Variants in ANO2 observed in about 807,000 individuals in gnomAD.
ANO2 encodes anoctamin 2, also known as anoctamin-2.
A neutral mutation model predicts 124.2 loss-of-function variants in ANO2; 101 were observed. The observed-to-expected ratio is 0.81, with a 90% CI of 0.69 to 0.96. The LOEUF (loss-of-function observed/expected upper bound fraction) is 0.96, where lower values mean the gene tolerates loss of function less well. Among genes scored for constraint, ANO2 ranks in the 40% least tolerant of loss-of-function variants. The probability of loss-of-function intolerance (pLI) is 0.00; values close to 1 mark genes in which losing one functional copy is unlikely to be tolerated. For synonymous variants in ANO2, 486 were observed against 482.5 expected, an observed-to-expected ratio of 1.01 and a Z score of -0.09; for missense variants, 1,293 against 1,274.5, an observed-to-expected ratio of 1.01 and a Z score of -0.22.
At chr12:5,569,037 GAC>G (rs1941948305) in intron 23 of ANO2, among the ~76,000 whole-genome samples, 1 of 152,240 alleles carries the variant, frequency 6.6e-6, no homozygotes, top group Admixed American at 6.5e-5. Flanking sequence ...GTTAAAAGAG[GAC>G]AGAGCATGTA....
chr12:5,577,099 T>G (rs1942456217), intron 22 of ANO2, among the ~76,000 whole-genome samples: 1 of 152,246 alleles, frequency 6.6e-6, no homozygotes, highest in South Asian at 2.1e-4. Context: ...AACTTCAAAG[T>G]AGCGGACTGA....
chr12:5,755,387 TTTTATTTA>T (rs201068770), intron 10 of ANO2, among the ~76,000 whole-genome samples: 3 of 149,098 alleles, frequency 2.0e-5, no homozygotes, highest in Admixed American at 6.7e-5. Flanking sequence ...TTTTTATTTA[TTTTATTTA>T]TTTATTTATT....
chr12:5,927,357 G>T (rs1166965742), intron 1 of ANO2, among the ~76,000 whole-genome samples: 1 of 152,178 alleles, frequency 6.6e-6, no homozygotes, highest in African/African-American at 2.4e-5. Context: ...GGTACCTTAG[G>T]TCACTCTACA....
rs5796191 is a variant in ANO2 at position 5,883,502 on chromosome 12, G to GGTGTGTGTGTGTGTGT, written c.535-29377_535-29362dup. 2.9e-3 allele frequency among the ~76,000 whole-genome samples: 424 copies of GGTGTGTGTGTGTGTGT among 144,684 alleles called. 1 individual carries two copies. Among genetic ancestry groups the GGTGTGTGTGTGTGTGT allele is most frequent in the African/African-American group, 0.01 (388 of 38,542 alleles). The allele number at this position is 144,684 out of a possible 152,430, so 94.9% of individuals were successfully genotyped here. On this transcript the variant is annotated intron_variant, in intron 3 of 24. Transcript: ENST00000682330. Reference sequence around the variant, plus strand: ...ATGTGTGCGTGTTTGACATTAGGGTGGTGTGTGTGTGTGTGTGTGTGTGTG... The same window carrying GGTGTGTGTGTGTGTGT: ...ATGTGTGCGTGTTTGACATTAGGGTGGTGTGTGTGTGTGTGTGTGTGTGTGTGTGTGTGTGTGTGTG...
chr12:5,606,130 A>T (rs910242389), intron 19 of ANO2, among the ~76,000 whole-genome samples: 4 of 152,090 alleles, frequency 2.6e-5, no homozygotes, highest in Admixed American at 2.6e-4. Context: ...CCTAGCAATG[A>T]TGGGGGCGGC....
chr12:5,872,120 A>C (rs1034947528), intron 3 of ANO2, among the ~76,000 whole-genome samples: 2 of 152,092 alleles, frequency 1.3e-5, no homozygotes, highest in African/African-American at 4.8e-5. Flanking sequence ...CAGGAGCAAA[A>C]TGTATTTTCC....
chr12:5,590,599 C>G (rs887361418), intron 20 of ANO2, among the ~76,000 whole-genome samples: 2 of 152,180 alleles, frequency 1.3e-5, no homozygotes, highest in East Asian at 1.9e-4. Context: ...GGGAGAAGAG[C>G]CTCCTGCATC....
At chr12:5,624,263 A>G (rs1310303026) in intron 16 of ANO2, among the ~76,000 whole-genome samples, 1 of 150,320 alleles carries the variant, frequency 6.7e-6, no homozygotes, top group East Asian at 1.9e-4. Flanking sequence ...AGAGAGAGAA[A>G]CAGACAGACA....
At chr12:5,662,662 T>G (rs1947506138) in intron 14 of ANO2, among the ~76,000 whole-genome samples, 1 of 152,122 alleles carries the variant, frequency 6.6e-6, no homozygotes, top group African/African-American at 2.4e-5. Context: ...TTCAGGAACT[T>G]GCAACAATAA....
At chr12:5,843,315 C>T (rs895190181) in intron 4 of ANO2, among the ~76,000 whole-genome samples, 2 of 152,196 alleles carry the variant, frequency 1.3e-5, no homozygotes, top group Non-Finnish European at 2.9e-5. Context: ...TTTGGGAGGC[C>T]AAGGTGGGCG....
intron 16 of ANO2, among the ~76,000 whole-genome samples, chr12:5,617,184 CAGATCACACTGTACCACACCCTCA>C (rs1944859789): frequency 6.6e-6 from 1 of 151,968 alleles, no homozygotes; most frequent in South Asian, 2.1e-4. Flanking sequence ...CTGCACTCTC[CAGATCACACTGTACCACACCCTCA>C]AGATCACAAT....
chr12:5,866,861 G>A (rs1473955358), intron 3 of ANO2, among the ~76,000 whole-genome samples: 1 of 152,214 alleles, frequency 6.6e-6, no homozygotes, highest in South Asian at 2.1e-4. Flanking sequence ...GAGAGAGTCC[G>A]CCTAGTCAAG....
chr12:5,709,006 C>T (rs540209911), intron 14 of ANO2, among the ~76,000 whole-genome samples: 2 of 152,348 alleles, frequency 1.3e-5, no homozygotes, highest in South Asian at 2.1e-4. Flanking sequence ...TATTCACTTT[C>T]GCATCCACAG....
At position 5,918,521 on chromosome 12, in the gene ANO2, C is replaced by G. The variant is rs553864948; in HGVS notation, c.534+2519G>C. 7.3e-5 allele frequency among the ~76,000 whole-genome samples: 11 copies of G among 151,626 alleles called. 1 individual carries two copies. The highest frequency in any genetic ancestry group is 5.9e-4 in the Admixed American group (9 of 15,210). On this transcript the variant is annotated intron_variant, in intron 3 of 24. Coordinates refer to ENST00000682330, the MANE Select transcript of ANO2 (RefSeq NM_001364791.2). The stretch of plus-strand genomic sequence containing the variant: ...GTGGCACAATCTCAGCTCACTGCAA[C>G]CTCCACCTCCCGGGTTCAAGCGATT...
At chr12:5,619,219 G>A (rs1944985767) in intron 16 of ANO2, among the ~76,000 whole-genome samples, 1 of 152,184 alleles carries the variant, frequency 6.6e-6, no homozygotes, top group African/African-American at 2.4e-5. Flanking sequence ...AAAACTCAAT[G>A]GGATTGAGAA....
intron 15 of ANO2, among the ~76,000 whole-genome samples, chr12:5,638,371 G>A (rs1389082256): frequency 1.4e-5 from 2 of 147,802 alleles, no homozygotes; most frequent in African/African-American, 2.5e-5. Context: ...AAGTAGCTGG[G>A]GCTACAGGCA....
intron 14 of ANO2, among the ~76,000 whole-genome samples, chr12:5,665,361 G>GC (rs1947648252): frequency 1.3e-5 from 2 of 152,108 alleles, no homozygotes; most frequent in Admixed American, 6.5e-5. Context: ...ATCCATCTCC[G>GC]ACTCCACTGC....
chr12:5,679,317 C>T lies in ANO2; in HGVS notation c.1546-31516G>A, dbSNP rs1270285346. 3.3e-5 allele frequency among the ~76,000 whole-genome samples: 5 copies of T among 152,282 alleles called. No homozygotes were observed. In the East Asian group the frequency reaches 5.8e-4, roughly 18 times the overall value. On this transcript the variant is annotated intron_variant, in intron 14 of 24. Transcript: ENST00000682330. Reference sequence around the variant, plus strand: ...CTAATTAAGCTAAAGAGCTTCTGCACAGCAAAAGAAACTATCATCAGAGTG... The same window carrying T: ...CTAATTAAGCTAAAGAGCTTCTGCATAGCAAAAGAAACTATCATCAGAGTG...
At chr12:5,742,608 T>C (rs1951133894) in intron 12 of ANO2, among the ~76,000 whole-genome samples, 1 of 152,212 alleles carries the variant, frequency 6.6e-6, no homozygotes, top group African/African-American at 2.4e-5. Flanking sequence ...CAAGTTTCTC[T>C]ACAACAGGGG....
Sources: gnomAD v4.1 joint callset for allele counts (sites outside exome capture counted in the v4.1 genomes callset) on GRCh38, gnomAD v4.1.1 for gene constraint, MANE v1.5 for transcripts, NCBI Gene and HGNC (gene_info 2026-07-23, HGNC 2026-07-21) for gene names.